FARP1: variants seen among roughly 807,000 people sequenced by gnomAD.
The protein encoded by FARP1 is FERM, ARH/RhoGEF and pleckstrin domain protein 1.
A neutral mutation model predicts 128.8 loss-of-function variants in FARP1; 52 were observed. That is an observed-to-expected ratio of 0.40 (90% CI 0.32 to 0.51). The LOEUF (loss-of-function observed/expected upper bound fraction) is 0.51. Ranked by LOEUF, FARP1 falls within the 20% of genes least tolerant of loss-of-function variation. FARP1 has a pLI of 0.45. For missense variants in FARP1, 1,333 were observed against 1,367.9 expected, an observed-to-expected ratio of 0.97 and a Z score of 0.40; for synonymous variants, 580 against 551.8, an observed-to-expected ratio of 1.05 and a Z score of -0.72.
chr13:98,244,849 T>A, intron 2 of FARP1: 1 of 1,453,844 alleles, frequency 6.9e-7, no homozygotes, highest in Non-Finnish European at 9.0e-7. Context: ...GATACAGATG[T>A]GATCTCAGAT....
intron 19 of FARP1, among the ~76,000 whole-genome samples, chr13:98,437,593 CG>C (rs1892326893): frequency 2.6e-5 from 4 of 151,978 alleles, no homozygotes. Context: ...GTGATAACGC[CG>C]CGGTTGCAGC....
At chr13:98,213,176 G>C (rs1461697255) in intron 1 of FARP1, 44 bp from the exon 2 acceptor site, 1 of 1,510,772 alleles carries the variant, frequency 6.6e-7, no homozygotes, top group Non-Finnish European at 9.0e-7. Context: ...TTGGGTGGTA[G>C]TCTCCTATTC....
Position 98,309,153 on chromosome 13 carries a change from C to CTTTTTTTTTTTTTTTTT in FARP1, c.172-34595_172-34579dup, listed in dbSNP as rs56030081. Among the ~76,000 whole-genome samples, 14 of 89,670 alleles carry CTTTTTTTTTTTTTTTTT rather than the reference C, an allele frequency of 1.6e-4. 6 individuals carry two copies. Among genetic ancestry groups the CTTTTTTTTTTTTTTTTT allele is most frequent in the Admixed American group, 2.9e-4 (2 of 6,976 alleles). 58.8% of individuals were successfully genotyped at this position (89,670 alleles called of 152,430 possible). A position where few individuals can be genotyped will look rare whatever the true frequency, so the allele number is the denominator to read the frequency against. On this transcript the variant is annotated intron_variant, in intron 2 of 26. Coordinates refer to ENST00000319562, the MANE Select transcript of FARP1 (RefSeq NM_005766.4). Reference sequence around the variant, plus strand: ...TATATTAATATTAATTTTAAGAGGCCTTTTTTTTTTTTTTTTTTTTTTTTT... The same window carrying CTTTTTTTTTTTTTTTTT: ...TATATTAATATTAATTTTAAGAGGCCTTTTTTTTTTTTTTTTTTTTTTTTTTTTTTTTTTTTTTTTTT...
At position 98,237,240 on chromosome 13, in the gene FARP1, G is replaced by T. The variant is rs1184104632; in HGVS notation, c.171+23827G>T. Among the ~76,000 whole-genome samples the T allele has an allele frequency of 4.6e-5, 7 of 151,544 alleles. No homozygotes were observed. In the East Asian group the frequency reaches 1.2e-3, roughly 25 times the overall value. On this transcript the variant is annotated intron_variant, in intron 2 of 26. Transcript: ENST00000319562. ...AATCGCTTGAACCTGGGATGCGGAG[G>T]TTGGAGTGAGCTGAGATCACGCCAT...
At chr13:98,305,124 T>TA (rs397972711) in intron 2 of FARP1, among the ~76,000 whole-genome samples, 3 of 150,536 alleles carry the variant, frequency 2.0e-5, no homozygotes, top group African/African-American at 7.3e-5. Context: ...ATATATTTTT[T>TA]AATTTATTTA....
chr13:98,350,971 T>C (rs1888393106), intron 3 of FARP1, among the ~76,000 whole-genome samples: 1 of 135,310 alleles, frequency 7.4e-6, no homozygotes, highest in Admixed American at 8.2e-5. Context: ...GAGCCAGTGC[T>C]AAACCTGCTT....
chr13:98,354,484 G>T (rs1888562657), intron 3 of FARP1, among the ~76,000 whole-genome samples: 2 of 152,158 alleles, frequency 1.3e-5, no homozygotes, highest in African/African-American at 4.8e-5. Flanking sequence ...TAGTTAATTG[G>T]AGGAATTTGA....
Position 98,453,979 on chromosome 13 carries a change from A to T in FARP1, c.*5662A>T, listed in dbSNP as rs1893327289. On this transcript the variant is annotated 3_prime_UTR_variant, in exon 27 of 27. Coordinates refer to ENST00000319562, the MANE Select transcript of FARP1 (RefSeq NM_005766.4). ...CCAAATCCGAAATCTGACATGCCCC[A>T]GAGAGCAGTTCCTTTGAGCCCCATG... The T allele has an allele frequency of 6.6e-6, 1 of 152,204 alleles. No homozygotes were observed. The highest frequency in any genetic ancestry group is 1.5e-5 in the Non-Finnish European group (1 of 68,042). The allele number at this position is 152,204 out of a possible 1,614,324, so 9.4% of individuals were successfully genotyped here.
intron 2 of FARP1, among the ~76,000 whole-genome samples, chr13:98,320,116 C>CT (rs1415961833): frequency 2.0e-5 from 3 of 152,208 alleles, no homozygotes; most frequent in African/African-American, 7.2e-5. Flanking sequence ...TGCCTGCCGT[C>CT]TTCCCTTCAT....
intron 1 of FARP1, among the ~76,000 whole-genome samples, chr13:98,169,880 A>C (rs1877530371): frequency 7.4e-6 from 1 of 134,386 alleles, no homozygotes; most frequent in African/African-American, 3.9e-5. Context: ...CTAAGTTTTC[A>C]AAAAAAAATT....
chr13:98,266,288 G>A lies in FARP1; in HGVS notation c.171+52875G>A, dbSNP rs145642426. ...CCATCTGAAAAGCCGCGAGACAGAG[G>A]GACACACATTCATTTTGGTGTCAAA... On this transcript the variant is annotated intron_variant, in intron 2 of 26. Transcript: ENST00000319562. 3.3e-5 allele frequency among the ~76,000 whole-genome samples: 5 copies of A among 152,210 alleles called. 1 individual carries two copies. The highest frequency in any genetic ancestry group is 3.4e-3 in the Middle Eastern group (1 of 294).
chr13:98,444,796 A>T, intron 24 of FARP1, among the ~76,000 whole-genome samples: 1 of 152,112 alleles, frequency 6.6e-6, no homozygotes, highest in Non-Finnish European at 1.5e-5. Context: ...AAATTATGTG[A>T]GTCAGTATGA....
chr13:98,359,876 A>G (rs967459449), intron 3 of FARP1, among the ~76,000 whole-genome samples: 7 of 152,216 alleles, frequency 4.6e-5, no homozygotes, highest in East Asian at 1.9e-4. Flanking sequence ...CAAACGGGGA[A>G]GGTAGCATTA....
At chr13:98,377,984 A>G (rs1889666598) in intron 6 of FARP1, 66 bp downstream of exon 6, 5 of 1,184,504 alleles carry the variant, frequency 4.2e-6, no homozygotes, top group Non-Finnish European at 6.3e-6. Flanking sequence ...TTGATGGGAA[A>G]AAAATCACAT....
At chr13:98,242,548 G>A (rs1249290513) in intron 2 of FARP1, among the ~76,000 whole-genome samples, 3 of 151,974 alleles carry the variant, frequency 2.0e-5, no homozygotes, top group Non-Finnish European at 4.4e-5. Flanking sequence ...GTGTGGTGCT[G>A]TGTGCCTATA....
chr13:98,440,941 GC>G, intron 24 of FARP1, 105 bp downstream of exon 24: 2 of 1,176,324 alleles, frequency 1.7e-6, no homozygotes, highest in Non-Finnish European at 2.4e-6. Context: ...ACTGTGGGTG[GC>G]CCCACCTACC....
chr13:98,290,790 A>C (rs1437373446), intron 2 of FARP1, among the ~76,000 whole-genome samples: 1 of 152,128 alleles, frequency 6.6e-6, no homozygotes, highest in Non-Finnish European at 1.5e-5. Context: ...TTGGGTATTG[A>C]ATGTGTGAGA....
intron 2 of FARP1, among the ~76,000 whole-genome samples, chr13:98,279,674 C>T (rs1029960248): frequency 2.6e-5 from 4 of 152,290 alleles, no homozygotes; most frequent in East Asian, 1.9e-4. Flanking sequence ...GGGTGGGGCC[C>T]CTGCAGCAGA....
intron 2 of FARP1, chr13:98,332,377 A>G (rs1416201041): frequency 6.6e-6 from 1 of 152,238 alleles, no homozygotes; most frequent in East Asian, 1.9e-4. Context: ...AAAGGAGAAT[A>G]AATACCAAGT....
Sources: allele counts gnomAD v4.1 joint callset (sites outside exome capture counted in the v4.1 genomes callset), GRCh38; gene constraint gnomAD v4.1.1; transcripts MANE v1.5; gene names NCBI Gene and HGNC (gene_info 2026-07-23, HGNC 2026-07-21).